PKP1: variants seen among roughly 807,000 people sequenced by gnomAD.
PKP1 encodes plakophilin-1.
A neutral mutation model predicts 76.4 loss-of-function variants in PKP1; 27 were observed. That is an observed-to-expected ratio of 0.35 (90% confidence interval 0.26 to 0.49). The LOEUF (loss-of-function observed/expected upper bound fraction) is 0.49. Among genes scored for constraint, PKP1 ranks in the 20% least tolerant of loss-of-function variants. The pLI is 0.99. For missense variants in PKP1, 964 were observed against 955.2 expected, an observed-to-expected ratio of 1.01 and a Z score of -0.12; for synonymous variants, 404 against 384.2, an observed-to-expected ratio of 1.05 and a Z score of -0.60.
intron 2 of PKP1, 60 bp downstream of exon 2, chr1:201,294,105 A>G (rs1446698846): frequency 8.5e-7 from 1 of 1,177,680 alleles, no homozygotes; most frequent in African/African-American, 1.5e-5. Context: ...TTTGAGGTTT[A>G]TAGTGGAGAA....
chr1:201,300,594 T>C (rs1301197189), intron 2 of PKP1, among the ~76,000 whole-genome samples: 1 of 152,162 alleles, frequency 6.6e-6, no homozygotes, highest in African/African-American at 2.4e-5. Context: ...CCCGTGACTG[T>C]GTTGGGGACT....
intron 2 of PKP1, among the ~76,000 whole-genome samples, chr1:201,307,968 G>C (rs988931252): frequency 4.6e-5 from 7 of 152,198 alleles, no homozygotes; most frequent in Admixed American, 2.0e-4. Flanking sequence ...TGGAGAACCG[G>C]TTTGGCCGGC....
At chr1:201,304,677 G>A (rs959480721) in intron 2 of PKP1, among the ~76,000 whole-genome samples, 3 of 152,202 alleles carry the variant, frequency 2.0e-5, no homozygotes, top group African/African-American at 7.2e-5. Context: ...CCAGCAACTG[G>A]CCAGAGATGC....
At chr1:201,291,693 C>A (rs1423864488) in intron 1 of PKP1, among the ~76,000 whole-genome samples, 1 of 152,222 alleles carries the variant, frequency 6.6e-6, no homozygotes, top group African/African-American at 2.4e-5. Flanking sequence ...AGCTGACTGA[C>A]CCACACCTGA....
rs1655685330 is a variant in PKP1 at position 201,284,962 on chromosome 1, G to A, written c.202+1058G>A. Reference sequence around the variant, plus strand: ...GGAAGGGGCAGTACCTGACAGGGGAGAGCTTATAGACCAAGTAAACACTTT... The same window carrying A: ...GGAAGGGGCAGTACCTGACAGGGGAAAGCTTATAGACCAAGTAAACACTTT... On this transcript the variant is annotated intron_variant, in intron 1 of 13. Transcript: ENST00000367324. Among the ~76,000 whole-genome samples, 3 of 152,184 alleles carry A rather than the reference G, an allele frequency of 2.0e-5. No homozygotes were observed. The South Asian group carries it at 6.2e-4, about 32-fold the overall frequency.
intron 2 of PKP1, among the ~76,000 whole-genome samples, chr1:201,304,705 G>C (rs977732607): frequency 6.6e-6 from 1 of 152,212 alleles, no homozygotes; most frequent in Non-Finnish European, 1.5e-5. Flanking sequence ...TCTGTAGAGG[G>C]CCCCCTAGCT....
chr1:201,287,641 C>A (rs1309309315), intron 1 of PKP1, among the ~76,000 whole-genome samples: 1 of 152,220 alleles, frequency 6.6e-6, no homozygotes, highest in African/African-American at 2.4e-5. Context: ...GCCAGAATTT[C>A]CGTTGGCCTG....
chr1:201,322,324 A>G (rs976418198), intron 8 of PKP1, among the ~76,000 whole-genome samples, 191 bp downstream of exon 8: 13 of 152,158 alleles, frequency 8.5e-5, no homozygotes. Context: ...CATCTTGCAC[A>G]AGGGGGAATC....
chr1:201,302,415 C>G (rs1047493040), intron 2 of PKP1, among the ~76,000 whole-genome samples: 12 of 152,134 alleles, frequency 7.9e-5, no homozygotes, highest in African/African-American at 2.9e-4. Flanking sequence ...GGCCAAGTTT[C>G]GAAGCCAGCA....
chr1:201,290,075 T>C (rs1266389435), intron 1 of PKP1, among the ~76,000 whole-genome samples: 1 of 152,100 alleles, frequency 6.6e-6, no homozygotes, highest in Non-Finnish European at 1.5e-5. Context: ...AAGCTTGAGT[T>C]GCACCGATGA....
intron 3 of PKP1, among the ~76,000 whole-genome samples, chr1:201,315,058 G>A (rs932753414): frequency 2.6e-5 from 4 of 152,360 alleles, no homozygotes; most frequent in African/African-American, 7.2e-5. Context: ...AGAGCTAGAC[G>A]TTTCCGAACT....
chr1:201,319,741 C>A, intron 6 of PKP1: 2 of 1,476,294 alleles, frequency 1.4e-6, no homozygotes, highest in South Asian at 1.1e-5. Context: ...GGAGAGGGAG[C>A]TTCTGGTGCC....
Position 201,328,792 on chromosome 1 carries a change from T to C in PKP1, c.2137T>C (p.Leu713=). Residue 713 remains leucine, a synonymous_variant, in exon 13 of 14, where the codon TTA becomes CTA. Transcript: ENST00000367324. ...QGFDRNMLGT[L]AGANSLRNFT... ...TTTCGATAGGAACATGCTGGGAACC[T>C]TAGCTGGGGCCAACAGCCTCAGGAA... is the stretch of plus-strand genomic sequence containing the variant. 1 of 1,614,180 alleles carries C rather than the reference T, an allele frequency of 6.2e-7. No homozygotes were observed. Among genetic ancestry groups the C allele is most frequent in the Non-Finnish European group, 8.5e-7 (1 of 1,180,022 alleles).
At chr1:201,291,160 C>T (rs759078644) in intron 1 of PKP1, among the ~76,000 whole-genome samples, 17 of 152,196 alleles carry the variant, frequency 1.1e-4, no homozygotes, top group South Asian at 2.1e-4. Context: ...TCACCACCTC[C>T]GCCCCAAATA....
intron 2 of PKP1, among the ~76,000 whole-genome samples, chr1:201,300,875 A>G (rs1010975715): frequency 2.0e-5 from 3 of 152,102 alleles, no homozygotes; most frequent in African/African-American, 7.2e-5. Context: ...GTGCAAGGAG[A>G]GAGGGCTGCC....
intron 1 of PKP1, among the ~76,000 whole-genome samples, chr1:201,289,403 TAGA>T (rs1397526181): frequency 6.6e-6 from 1 of 152,198 alleles, no homozygotes. Flanking sequence ...TAGAATATGC[TAGA>T]AGAAGCATCG....
chr1:201,307,298 T>C (rs1656398788), intron 2 of PKP1, among the ~76,000 whole-genome samples: 2 of 151,996 alleles, frequency 1.3e-5, no homozygotes, highest in Non-Finnish European at 1.5e-5. Context: ...CAAAGCAGTG[T>C]TCCAGGAAAA....
chr1:201,325,714 C>G (rs1657098957), intron 11 of PKP1, 40 bp from the exon 12 acceptor site: 1 of 1,503,194 alleles, frequency 6.7e-7, no homozygotes, highest in South Asian at 1.1e-5. Context: ...CTCACACCTC[C>G]TGGAATCTCA....
At position 201,320,380 on chromosome 1, in the gene PKP1, A is replaced by G. The variant is rs777852399; in HGVS notation, c.1346A>G (p.Lys449Arg). ...NCVAASRCDD[K>R]SVENCMCVLH... ...GTAGCGGCCAGCCGCTGTGACGACA[A>G]GGTGAGTGCATCCCCTGGTGGCACC... is the stretch of plus-strand genomic sequence containing the variant. Residue 449 changes from lysine to arginine, a missense_variant and splice_region_variant, in exon 7 of 14, where the codon AAG becomes AGG. Lys to Arg is a conservative substitution (Grantham distance 26, BLOSUM62 2). Coordinates refer to ENST00000367324, the MANE Select transcript of PKP1 (RefSeq NM_001005337.3). 2.4e-5 allele frequency: 39 copies of G among 1,598,228 alleles called. No homozygotes were observed. Among genetic ancestry groups the G allele is most frequent in the Non-Finnish European group, 3.3e-5 (39 of 1,165,562 alleles).
Sources: allele counts gnomAD v4.1 joint callset (sites outside exome capture counted in the v4.1 genomes callset), GRCh38; gene constraint gnomAD v4.1.1; transcripts MANE v1.5; gene names NCBI Gene and HGNC (gene_info 2026-07-23, HGNC 2026-07-21).